The following ABRACL variants were observed in gnomAD, a reference collection of about 807,000 sequenced individuals.
ABRACL encodes the protein costars family protein ABRACL.
Under a neutral mutation model 7.0 loss-of-function variants are expected in ABRACL, and 4 were observed. The ratio of observed to expected loss-of-function variants is 0.57; its 90% confidence interval spans 0.28 to 1.30. The LOEUF (loss-of-function observed/expected upper bound fraction) is 1.30, where lower values mean the gene tolerates loss of function less well. Ranked by LOEUF, ABRACL falls within the 50% of genes most tolerant of loss-of-function variation. The probability of loss-of-function intolerance (pLI) is 0.10; values close to 1 mark genes in which losing one functional copy is unlikely to be tolerated. For missense variants in ABRACL, 104 were observed against 97.3 expected (o/e 1.07, Z -0.29); for synonymous variants, 30 against 36.0 (o/e 0.83, Z 0.60).
At chr6:139,042,226 T>A (rs1786263426) in intron 2 of ABRACL, among the ~76,000 whole-genome samples, 1 of 152,168 alleles carries the variant, frequency 6.6e-6, no homozygotes, top group Non-Finnish European at 1.5e-5. Flanking sequence ...GATTTCTGAG[T>A]CTACTACTGG....
intron 2 of ABRACL, among the ~76,000 whole-genome samples, chr6:139,038,076 C>T (rs765242193): frequency 9.9e-5 from 15 of 152,014 alleles, no homozygotes; most frequent in Non-Finnish European, 1.8e-4. Context: ...TGGGCCCAGC[C>T]GTGCATTACT....
chr6:139,043,056 T>TTTA lies in ABRACL; in HGVS notation c.*153_*154insTTA. Reference sequence around the variant, plus strand: ...TGTTTTAGAAGTCTGTCCTTTTTTATATCTTGAAAGAAAATCTATGTATGA... The same window carrying TTTA: ...TGTTTTAGAAGTCTGTCCTTTTTTATTTAATCTTGAAAGAAAATCTATGTATGA... On this transcript the variant is annotated 3_prime_UTR_variant, in exon 3 of 3. Transcript: ENST00000367660. 1 of 555,550 alleles carries TTTA rather than the reference T, an allele frequency of 1.8e-6. No homozygotes were observed. The highest frequency in any genetic ancestry group is 2.9e-6 in the Non-Finnish European group (1 of 347,456). 34.4% of individuals were successfully genotyped at this position (555,550 alleles called of 1,614,324 possible).
At chr6:139,030,528 C>T (rs531109343) in intron 1 of ABRACL, among the ~76,000 whole-genome samples, 1 of 152,270 alleles carries the variant, frequency 6.6e-6, no homozygotes, top group East Asian at 1.9e-4. Flanking sequence ...ATTTTTCCCC[C>T]TTTGTCCCTC....
At chr6:139,042,610 A>AC in intron 2 of ABRACL, 109 bp from the exon 3 acceptor site, 6 of 1,081,426 alleles carry the variant, frequency 5.5e-6, no homozygotes, top group Non-Finnish European at 8.0e-6. Context: ...TTAAATTGCA[A>AC]CCTTGGATAG....
intron 2 of ABRACL, 159 bp downstream of exon 2, chr6:139,034,380 A>G: frequency 6.4e-7 from 1 of 1,557,434 alleles, no homozygotes; most frequent in Non-Finnish European, 8.7e-7. Flanking sequence ...CTTAGCCAGG[A>G]ATTGACATCT....
chr6:139,042,911 T>C lies in ABRACL; in HGVS notation c.*8T>C. 6.3e-7 allele frequency: 1 copy of C among 1,593,792 alleles called. No homozygotes were observed. Among genetic ancestry groups the C allele is most frequent in the Non-Finnish European group, 8.5e-7 (1 of 1,170,162 alleles). ...ATATTACTGCAAGATTAATGTGGTTTACATATCTTTATGTACTGCCATTTT... is the reference window on the plus strand; with the variant it reads ...ATATTACTGCAAGATTAATGTGGTTCACATATCTTTATGTACTGCCATTTT... On this transcript the variant is annotated 3_prime_UTR_variant, in exon 3 of 3. Transcript: ENST00000367660.
At chr6:139,031,318 T>G (rs1445731188) in intron 1 of ABRACL, among the ~76,000 whole-genome samples, 1 of 152,226 alleles carries the variant, frequency 6.6e-6, no homozygotes, top group Non-Finnish European at 1.5e-5. Context: ...TATATGGCTC[T>G]CAAATCTGCC....
intron 1 of ABRACL, among the ~76,000 whole-genome samples, chr6:139,032,201 T>C (rs1273022041): frequency 6.6e-6 from 1 of 152,150 alleles, no homozygotes; most frequent in African/African-American, 2.4e-5. Flanking sequence ...CCTGACCTCG[T>C]GATCCACCCG....
At chr6:139,030,711 A>G (rs917549915) in intron 1 of ABRACL, among the ~76,000 whole-genome samples, 2 of 152,136 alleles carry the variant, frequency 1.3e-5, no homozygotes, top group Non-Finnish European at 2.9e-5. Flanking sequence ...ACCACTCACT[A>G]TTATATTTAG....
intron 2 of ABRACL, among the ~76,000 whole-genome samples, chr6:139,040,465 T>A (rs1786227653): frequency 6.6e-6 from 1 of 152,188 alleles, no homozygotes; most frequent in African/African-American, 2.4e-5. Flanking sequence ...AAGTTGAGAA[T>A]TTACTGTATG....
At position 139,035,839 on chromosome 6, in the gene ABRACL, C is replaced by T. The variant is rs190928355; in HGVS notation, c.61+1618C>T. Among the ~76,000 whole-genome samples, 5 of 150,426 alleles carry T rather than the reference C, an allele frequency of 3.3e-5. No homozygotes were observed. The East Asian group carries it at 1.0e-3, about 31-fold the overall frequency. On this transcript the variant is annotated intron_variant, in intron 2 of 2. Coordinates refer to ENST00000367660, the MANE Select transcript of ABRACL (RefSeq NM_021243.3). ...TTTACCAGCCAGGCGCAGTGGCTCA[C>T]GCCTGTAATCCCAGCACTTTGGGAG... is the stretch of plus-strand genomic sequence containing the variant.
chr6:139,042,815 C>G lies in ABRACL; in HGVS notation c.158C>G (p.Ala53Gly). 6.2e-7 allele frequency: 1 copy of G among 1,613,984 alleles called. No individual in the cohort carries two copies. The highest frequency in any genetic ancestry group is 8.5e-7 in the Non-Finnish European group (1 of 1,179,946). Residue 53 changes from alanine (A) to glycine (G), a missense_variant, in exon 3 of 3, where the codon GCA becomes GGA. Coordinates refer to ENST00000367660, the MANE Select transcript of ABRACL (RefSeq NM_021243.3). ...FEALVGTLKA[A>G]KRRKIVTYPG... ...GCATTGGTAGGAACTCTTAAAGCTG[C>G]AAAACGAAGGAAGATTGTAACATAT... is the stretch of plus-strand genomic sequence containing the variant.
chr6:139,041,542 G>A (rs1331887634), intron 2 of ABRACL, among the ~76,000 whole-genome samples: 1 of 27,524 alleles, frequency 3.6e-5, no homozygotes, highest in African/African-American at 1.4e-4. Flanking sequence ...TTTTTTTTTA[G>A]GAGAGACATG....
rs1483305229 is a variant in ABRACL at position 139,042,774 on chromosome 6, T to C, written c.117T>C (p.Cys39=). 1 of 1,613,934 alleles carries C rather than the reference T, an allele frequency of 6.2e-7. No homozygotes were observed. The highest frequency in any genetic ancestry group is 8.5e-7 in the Non-Finnish European group (1 of 1,180,002). Residue 39 remains cysteine, a synonymous_variant, in exon 3 of 3, where the codon TGT becomes TGC. Transcript: ENST00000367660. ...GGGTCCTCTTCCGTGATGATAAATG[T>C]GCCAACCTCTTTGAAGCATTGGTAG... is the stretch of plus-strand genomic sequence containing the variant. ...KFGVLFRDDK[C]ANLFEALVGT...
Position 139,042,761 on chromosome 6 carries a change from G to C in ABRACL, c.104G>C (p.Arg35Pro). Residue 35 changes from arginine to proline, a missense_variant, in exon 3 of 3, where the codon CGT (arginine) becomes CCT (proline). By Grantham distance (103) the Arg-to-Pro change is moderately radical (BLOSUM62 -2). Transcript: ENST00000367660. ...AGCGTGAAATTTGGGGTCCTCTTCC[G>C]TGATGATAAATGTGCCAACCTCTTT... ...KLSVKFGVLF[R>P]DDKCANLFEA... is the part of the protein sequence containing the mutation. The C allele has an allele frequency of 6.2e-7, 1 of 1,613,232 alleles. No homozygotes were observed. The highest frequency in any genetic ancestry group is 8.5e-7 in the Non-Finnish European group (1 of 1,179,766).
At chr6:139,029,443 G>T (rs1291628093) in intron 1 of ABRACL, among the ~76,000 whole-genome samples, 1 of 152,018 alleles carries the variant, frequency 6.6e-6, no homozygotes, top group Admixed American at 6.5e-5. Flanking sequence ...GCGCTTCGGG[G>T]CGCCCGGGCC....
rs527605379 is a variant in ABRACL, at chr6:139,041,124, C to T, written c.62-1595C>T. Among the ~76,000 whole-genome samples the T allele has an allele frequency of 1.4e-4, 22 of 152,084 alleles. No homozygotes were observed. In the East Asian group the frequency reaches 3.3e-3, roughly 23 times the overall value. ...CTCATGTATATCATCACAATGAAGACGAGGAAAAAGAAAAAAGCTCCAAGT... is the reference window on the plus strand; with the variant it reads ...CTCATGTATATCATCACAATGAAGATGAGGAAAAAGAAAAAAGCTCCAAGT... On this transcript the variant is annotated intron_variant, in intron 2 of 2. Coordinates refer to ENST00000367660, the MANE Select transcript of ABRACL (RefSeq NM_021243.3).
In ABRACL at chr6:139,042,767, A is replaced by T; in HGVS notation, c.110A>T (p.Asp37Val). The T allele has an allele frequency of 6.2e-7, 1 of 1,613,740 alleles. No individual in the cohort carries two copies. Among genetic ancestry groups the T allele is most frequent in the Non-Finnish European group, 8.5e-7 (1 of 1,179,900 alleles). ...AAATTTGGGGTCCTCTTCCGTGATG[A>T]TAAATGTGCCAACCTCTTTGAAGCA... ...SVKFGVLFRD[D>V]KCANLFEALV... The change falls in exon 3 of 3, where the codon GAT (aspartate) becomes GTT (valine). Residue 37 changes from aspartate to valine, a missense_variant. Physicochemically the swap from Asp to Val is radical, Grantham distance 152 (BLOSUM62 -3). Transcript: ENST00000367660.
At chr6:139,041,515 A>G (rs188973879) in intron 2 of ABRACL, among the ~76,000 whole-genome samples, 1,094 of 27,990 alleles carry the variant, frequency 0.039, 15 homozygotes, top group East Asian at 0.14. Context: ...GTGTGTGTGT[A>G]TATATATATA....
Sources: allele counts gnomAD v4.1 joint callset (sites outside exome capture counted in the v4.1 genomes callset), GRCh38; gene constraint gnomAD v4.1.1; transcripts MANE v1.5; gene names NCBI Gene and HGNC (gene_info 2026-07-23, HGNC 2026-07-21).